Variants in GAB2 observed in about 807,000 individuals in gnomAD.
GAB2 encodes the protein GRB2 associated binding protein 2.
GAB2 carries 26 observed loss-of-function variants against 65.5 expected under a neutral mutation model. The ratio of observed to expected loss-of-function variants is 0.40; its 90% CI spans 0.29 to 0.55. The LOEUF (loss-of-function observed/expected upper bound fraction) is 0.55, where lower values mean the gene tolerates loss of function less well. Among genes scored for constraint, GAB2 ranks in the 20% least tolerant of loss-of-function variants. The pLI is 0.53. For synonymous variants in GAB2, 321 were observed against 329.6 expected, an observed-to-expected ratio of 0.97 and a Z score of 0.28; for missense variants, 884 against 875.8, an observed-to-expected ratio of 1.01 and a Z score of -0.12.
chr11:78,253,001 TTCC>T (rs1195041450), intron 2 of GAB2, among the ~76,000 whole-genome samples: 4 of 143,134 alleles, frequency 2.8e-5, no homozygotes, highest in Non-Finnish European at 4.5e-5. Context: ...ACAAATATCT[TTCC>T]TTTTTTTTTT....
At chr11:78,399,658 C>T (rs998949347) in intron 1 of GAB2, among the ~76,000 whole-genome samples, 1 of 152,158 alleles carries the variant, frequency 6.6e-6, no homozygotes, top group African/African-American at 2.4e-5. Flanking sequence ...TTGTACATTC[C>T]AGGTATGGCT....
rs141690314 is a variant in GAB2, at chr11:78,275,185, A to G, written c.376+5416T>C. ...AAGGAAAGCAGTGTTGCATTAAGGAAGAGTTTCTGGGGCTGATAAGAGTTG... is the reference window on the plus strand; with the variant it reads ...AAGGAAAGCAGTGTTGCATTAAGGAGGAGTTTCTGGGGCTGATAAGAGTTG... On this transcript the variant is annotated intron_variant, in intron 2 of 9. Transcript: ENST00000361507. Among the ~76,000 whole-genome samples the G allele has an allele frequency of 2.8e-3, 428 of 152,284 alleles. 1 individual carries two copies. Among genetic ancestry groups the G allele is most frequent in the African/African-American group, 9.7e-3 (405 of 41,562 alleles).
intron 1 of GAB2, among the ~76,000 whole-genome samples, chr11:78,397,302 C>G (rs1015373452): frequency 6.6e-6 from 1 of 152,138 alleles, no homozygotes; most frequent in African/African-American, 2.4e-5. Flanking sequence ...AACTTAAAAG[C>G]ATATAAAGCA....
chr11:78,246,918 A>AT (rs1865314495), intron 3 of GAB2, among the ~76,000 whole-genome samples: 1 of 152,146 alleles, frequency 6.6e-6, no homozygotes, highest in Non-Finnish European at 1.5e-5. Context: ...GTTGCACTCG[A>AT]TTCGGTTTGT....
rs1864656709 is a variant in GAB2 at position 78,226,526 on chromosome 11, G to A, written c.1146C>T (p.Val382=). 18 of 1,588,556 alleles carry A rather than the reference G, an allele frequency of 1.1e-5. No individual in the cohort carries two copies. Among genetic ancestry groups the A allele is most frequent in the South Asian group, 1.1e-5 (1 of 90,504 alleles). The change falls in exon 4 of 10, where the codon GTC becomes GTT. Residue 382 remains valine, a synonymous_variant. Transcript: ENST00000361507. ...TGTTGCGTCTGGGGATGGTGGCAGC[G>A]ACAGATCTGCTATTTTCACTGATTG... ...RPPISENSRS[V]AATIPRRNTL... is the part of the protein sequence containing the mutation.
chr11:78,375,806 G>A (rs1203038544), intron 1 of GAB2, among the ~76,000 whole-genome samples: 1 of 152,154 alleles, frequency 6.6e-6, no homozygotes, highest in Non-Finnish European at 1.5e-5. Context: ...TGGGGACCAC[G>A]TTGTCCTAGC....
At chr11:78,326,443 G>A (rs1855824103) in intron 1 of GAB2, among the ~76,000 whole-genome samples, 1 of 152,086 alleles carries the variant, frequency 6.6e-6, no homozygotes, top group Non-Finnish European at 1.5e-5. Context: ...CAGGTTAATA[G>A]GATAACAGTA....
At chr11:78,257,658 T>C (rs1299386670) in intron 2 of GAB2, among the ~76,000 whole-genome samples, 1 of 152,162 alleles carries the variant, frequency 6.6e-6, no homozygotes, top group East Asian at 1.9e-4. Context: ...AAGGTAACTG[T>C]CACTGTTTTG....
chr11:78,300,516 T>TAAAAAAAAAAAAAAAAAAAAAA (rs138790128), intron 1 of GAB2, among the ~76,000 whole-genome samples: 2 of 142,876 alleles, frequency 1.4e-5, no homozygotes, highest in African/African-American at 5.2e-5. Flanking sequence ...TTTAATTTTA[T>TAAAAAAAAAAAAAAAAAAAAAA]AAAAAAACAA....
At chr11:78,284,878 AAT>A (rs1179115973) in intron 1 of GAB2, among the ~76,000 whole-genome samples, 2 of 152,114 alleles carry the variant, frequency 1.3e-5, no homozygotes, top group Admixed American at 1.3e-4. Context: ...GCTAGTAATC[AAT>A]ATATATATAA....
chr11:78,300,684 G>GTTTTTTTTTTTTTTTTTTTTTTTTTT (rs1491587604), intron 1 of GAB2, among the ~76,000 whole-genome samples: 1 of 134,010 alleles, frequency 7.5e-6, no homozygotes, highest in African/African-American at 3.0e-5. Context: ...TTTTTTTTTT[G>GTTTTTTTTTTTTTTTTTTTTTTTTTT]GTTTTTTTTT....
intron 1 of GAB2, among the ~76,000 whole-genome samples, chr11:78,339,224 C>A (rs1856053797): frequency 6.6e-6 from 1 of 152,140 alleles, no homozygotes; most frequent in African/African-American, 2.4e-5. Context: ...CTGTGACAGG[C>A]CCTGATTCCT....
intron 2 of GAB2, among the ~76,000 whole-genome samples, chr11:78,251,967 CT>C (rs147809157): frequency 0.019 from 2,954 of 152,326 alleles, 105 homozygotes; most frequent in African/African-American, 0.069. Context: ...AAAAATTCCA[CT>C]AGTGAAACTT....
chr11:78,237,104 C>T (rs1016772995), intron 3 of GAB2, among the ~76,000 whole-genome samples: 2 of 152,314 alleles, frequency 1.3e-5, no homozygotes, highest in African/African-American at 2.4e-5. Context: ...TTCTGAAAGA[C>T]TGTGGGTAAG....
intron 1 of GAB2, among the ~76,000 whole-genome samples, chr11:78,412,489 A>G (rs1325682042): frequency 6.6e-6 from 1 of 152,228 alleles, no homozygotes; most frequent in African/African-American, 2.4e-5. Flanking sequence ...GTCACAGATT[A>G]AGGATGTGGT....
chr11:78,385,417 G>A (rs1180427508), intron 1 of GAB2, among the ~76,000 whole-genome samples: 1 of 152,158 alleles, frequency 6.6e-6, no homozygotes, highest in Non-Finnish European at 1.5e-5. Flanking sequence ...AGGTTTAGAT[G>A]GAGTTCAGGT....
At chr11:78,381,391 T>C (rs965734499) in intron 1 of GAB2, among the ~76,000 whole-genome samples, 1 of 152,180 alleles carries the variant, frequency 6.6e-6, no homozygotes, top group Non-Finnish European at 1.5e-5. Context: ...TATTTATCTG[T>C]GTCTTGAGAG....
At chr11:78,275,670 G>T (rs887532972) in intron 2 of GAB2, among the ~76,000 whole-genome samples, 1 of 152,026 alleles carries the variant, frequency 6.6e-6, no homozygotes. Flanking sequence ...CTGATAATTA[G>T]AACACTAGAC....
At chr11:78,417,566 G>A (rs1857215599) in intron 1 of GAB2, 80 bp downstream of exon 1, 3 of 536,146 alleles carry the variant, frequency 5.6e-6, no homozygotes, top group South Asian at 5.3e-5. Context: ...CCAGCCTGCC[G>A]CCCCTCCGGG....
Sources: gnomAD v4.1 joint callset for allele counts (sites outside exome capture counted in the v4.1 genomes callset) on GRCh38, gnomAD v4.1.1 for gene constraint, MANE v1.5 for transcripts, NCBI Gene and HGNC (gene_info 2026-07-23, HGNC 2026-07-21) for gene names.